Variants in ACSF3 observed in about 807,000 individuals in gnomAD.
The protein encoded by ACSF3 is acyl-CoA synthetase family member 3.
ACSF3 carries 78 observed loss-of-function variants against 53.2 expected under a neutral mutation model. The observed-to-expected ratio is 1.47, with a 90% CI of 1.22 to 1.77. The LOEUF (loss-of-function observed/expected upper bound fraction) is 1.77, where lower values mean the gene tolerates loss of function less well. Ranked by LOEUF, ACSF3 falls within the 40% of genes most tolerant of loss-of-function variation. The probability of loss-of-function intolerance (pLI) is 0.00; values close to 1 mark genes in which losing one functional copy is unlikely to be tolerated. For missense variants in ACSF3, 937 were observed against 771.1 expected, an observed-to-expected ratio of 1.22 and a Z score of -2.55; for synonymous variants, 414 against 333.1, an observed-to-expected ratio of 1.24 and a Z score of -2.65.
chr16:89,132,834 A>C (rs1467311368), intron 7 of ACSF3, among the ~76,000 whole-genome samples: 1 of 152,230 alleles, frequency 6.6e-6, no homozygotes, highest in African/African-American at 2.4e-5. Flanking sequence ...AACATGCTCA[A>C]GTCTAGAGGA....
At chr16:89,126,771 C>T (rs916809871) in intron 7 of ACSF3, among the ~76,000 whole-genome samples, 4 of 152,162 alleles carry the variant, frequency 2.6e-5, no homozygotes, top group African/African-American at 9.7e-5. Flanking sequence ...TTATTTCTTC[C>T]TTTCCAACCT....
chr16:89,131,980 G>A (rs958226402), intron 7 of ACSF3, among the ~76,000 whole-genome samples: 3 of 150,358 alleles, frequency 2.0e-5, no homozygotes, highest in Non-Finnish European at 4.5e-5. Flanking sequence ...TGGCAGCCCC[G>A]TCATCATGTG....
intron 4 of ACSF3, among the ~76,000 whole-genome samples, chr16:89,106,981 G>A (rs921469634): frequency 6.6e-6 from 1 of 152,232 alleles, no homozygotes; most frequent in African/African-American, 2.4e-5. Context: ...GCTCAGATCA[G>A]TCACTCGTCT....
At chr16:89,111,855 G>A (rs1348555252) in intron 4 of ACSF3, among the ~76,000 whole-genome samples, 3 of 152,172 alleles carry the variant, frequency 2.0e-5, no homozygotes, top group Admixed American at 6.5e-5. Flanking sequence ...CACAGATCCC[G>A]AAGCCCTTTT....
At position 89,155,414 on chromosome 16, in the gene ACSF3, G is replaced by A. The variant is rs1256722431; in HGVS notation, c.*1207G>A. 6 of 453,836 alleles carry A rather than the reference G, an allele frequency of 1.3e-5. No individual in the cohort carries two copies. The highest frequency in any genetic ancestry group is 2.6e-5 in the Non-Finnish European group (6 of 226,630). 28.1% of individuals were successfully genotyped at this position (453,836 alleles called of 1,614,324 possible). A position where few individuals can be genotyped will look rare whatever the true frequency, so the allele number is the denominator to read the frequency against. On this transcript the variant is annotated 3_prime_UTR_variant, in exon 11 of 11. Coordinates refer to ENST00000614302, the MANE Select transcript of ACSF3 (RefSeq NM_001243279.3). The stretch of plus-strand genomic sequence containing the variant: ...TCACATGCCTCGCGGACAGTTGGAC[G>A]TGGCCTGGGGCCCCTGCTCACTTGA...
At chr16:89,119,594 T>G in intron 6 of ACSF3, among the ~76,000 whole-genome samples, 1 of 150,868 alleles carries the variant, frequency 6.6e-6, no homozygotes, top group African/African-American at 2.4e-5. Context: ...GGAGAAAGGA[T>G]GGAAGAAAGG....
intron 7 of ACSF3, among the ~76,000 whole-genome samples, chr16:89,121,890 A>G (rs1906730288): frequency 6.6e-6 from 1 of 152,238 alleles, no homozygotes; most frequent in South Asian, 2.1e-4. Context: ...GCAACCAAGT[A>G]GGATGTGGGT....
chr16:89,101,011 G>A lies in ACSF3; in HGVS notation c.330G>A (p.Val110=), dbSNP rs1975243717. The A allele has an allele frequency of 1.2e-6, 2 of 1,613,594 alleles. No homozygotes were observed. The highest frequency in any genetic ancestry group is 1.7e-6 in the Non-Finnish European group (2 of 1,179,756). Residue 110 remains valine, a synonymous_variant, in exon 3 of 11, where the codon GTG becomes GTA. Transcript: ENST00000614302. The stretch of plus-strand genomic sequence containing the variant: ...GCGCTAACGATGCCTCCTACGTCGT[G>A]GCCCAGTGGGCGTCATGGATGAGTG... ...FLCANDASYV[V]AQWASWMSGG... is the part of the protein sequence containing the mutation.
intron 8 of ACSF3, chr16:89,136,475 C>G: frequency 4.1e-6 from 5 of 1,206,090 alleles, no homozygotes; most frequent in Non-Finnish European, 5.3e-6. Flanking sequence ...CAGCTCACAG[C>G]TGCCGCTCCT....
At chr16:89,147,963 A>C (rs1445809588) in intron 10 of ACSF3, 1 of 152,184 alleles carries the variant, frequency 6.6e-6, no homozygotes, top group Non-Finnish European at 1.5e-5. Context: ...TCCCAGATAC[A>C]GTGGGGGTGC....
At chr16:89,112,043 G>C in intron 4 of ACSF3, 49 bp from the exon 5 acceptor site, 1 of 1,584,392 alleles carries the variant, frequency 6.3e-7, no homozygotes. Context: ...TCCGCCACGG[G>C]CCCCAGTGCC....
intron 7 of ACSF3, among the ~76,000 whole-genome samples, chr16:89,123,866 T>A (rs1305491531): frequency 3.9e-5 from 6 of 152,174 alleles, no homozygotes; most frequent in Admixed American, 2.0e-4. Flanking sequence ...AGGGGCTGGC[T>A]CCTACCACTC....
At position 89,098,696 on chromosome 16, in the gene ACSF3, C is replaced by T; in HGVS notation, c.-88C>T. On this transcript the variant is annotated 5_prime_UTR_variant, in exon 2 of 11. Transcript: ENST00000614302. The stretch of plus-strand genomic sequence containing the variant: ...TATCGTGCCCTTCCACCTGCTGAAG[C>T]AGCTGTGCCTGCCGCTCTTGTGAAC... The T allele has an allele frequency of 8.8e-6, 4 of 454,168 alleles. No homozygotes were observed. The highest frequency in any genetic ancestry group is 6.2e-5 in the South Asian group (4 of 64,480). The allele number at this position is 454,168 out of a possible 1,614,324, so 28.1% of individuals were successfully genotyped here. A position where few individuals can be genotyped will look rare whatever the true frequency, so the allele number is the denominator to read the frequency against.
Position 89,145,925 on chromosome 16 carries a change from C to A in ACSF3, c.1502-13C>A. On this transcript the variant is annotated splice_polypyrimidine_tract_variant and intron_variant, in intron 9 of 10. Coordinates refer to ENST00000614302, the MANE Select transcript of ACSF3 (RefSeq NM_001243279.3). The stretch of plus-strand genomic sequence containing the variant: ...GGCATCCCCATGTTCTCAAACTGTT[C>A]TTCTATCCGCAGATGTGGCTGTGAT... 1 of 1,606,774 alleles carries A rather than the reference C, an allele frequency of 6.2e-7. No individual in the cohort carries two copies. Among genetic ancestry groups the A allele is most frequent in the Non-Finnish European group, 8.5e-7 (1 of 1,177,018 alleles).
intron 4 of ACSF3, among the ~76,000 whole-genome samples, chr16:89,103,827 A>G (rs1975656418): frequency 6.6e-6 from 1 of 152,192 alleles, no homozygotes; most frequent in Admixed American, 6.5e-5. Flanking sequence ...CAGGGAGGGA[A>G]GGACGCGGTG....
In ACSF3 at chr16:89,126,053, C is replaced by T. The variant is rs147567507; in HGVS notation, c.1239+5140C>T. Among the ~76,000 whole-genome samples the T allele has an allele frequency of 8.8e-4, 134 of 152,294 alleles. 1 individual carries two copies. The highest frequency in any genetic ancestry group is 3.1e-3 in the African/African-American group (127 of 41,546). On this transcript the variant is annotated intron_variant, in intron 7 of 10. Transcript: ENST00000614302. ...CTCCATTTACATAGATCTGTGAACACGGTCTGTCTCTCCATTTACTTAGAT... is the reference window on the plus strand; with the variant it reads ...CTCCATTTACATAGATCTGTGAACATGGTCTGTCTCTCCATTTACTTAGAT...
chr16:89,155,181 C>A lies in ACSF3; in HGVS notation c.*974C>A, dbSNP rs1914585115. On this transcript the variant is annotated 3_prime_UTR_variant, in exon 11 of 11. Coordinates refer to ENST00000614302, the MANE Select transcript of ACSF3 (RefSeq NM_001243279.3). Reference sequence around the variant, plus strand: ...CATGCAGAATCCAGAAGTTTCTGGACAATTTTCAGAAGAATAGGCTGCCTC... The same window carrying A: ...CATGCAGAATCCAGAAGTTTCTGGAAAATTTTCAGAAGAATAGGCTGCCTC... 1 of 454,014 alleles carries A rather than the reference C, an allele frequency of 2.2e-6. No homozygotes were observed. Among genetic ancestry groups the A allele is most frequent in the Non-Finnish European group, 4.4e-6 (1 of 226,798 alleles). The allele number at this position is 454,014 out of a possible 1,614,324, so 28.1% of individuals were successfully genotyped here.
chr16:89,114,865 A>T, intron 6 of ACSF3: 1 of 355,890 alleles, frequency 2.8e-6, no homozygotes, highest in South Asian at 2.2e-5. Context: ...GTCTGTCTGG[A>T]GTCCGGGTGC....
In ACSF3 at chr16:89,112,009, A is replaced by G. The variant is rs530831466; in HGVS notation, c.823-83A>G. On this transcript the variant is annotated intron_variant, in intron 4 of 10. Transcript: ENST00000614302. ...AGACTCTTGAATGTGAACCATGAGA[A>G]CGCTGTGCCTGGAGCCAGGAGCCTC... The G allele has an allele frequency of 2.2e-5, 5 of 225,304 alleles. No homozygotes were observed. The Admixed American group carries it at 2.5e-4, about 11-fold the overall frequency. The allele number at this position is 225,304 out of a possible 1,614,324, so 14.0% of individuals were successfully genotyped here.
Sources: allele counts gnomAD v4.1 joint callset (sites outside exome capture counted in the v4.1 genomes callset), GRCh38; gene constraint gnomAD v4.1.1; transcripts MANE v1.5; gene names NCBI Gene and HGNC (gene_info 2026-07-23, HGNC 2026-07-21).